The following RBFOX1 variants were observed in gnomAD, a reference collection of about 807,000 sequenced individuals.
RBFOX1 encodes the protein RNA binding protein fox-1 homolog 1.
RBFOX1 carries 8 observed loss-of-function variants against 57.7 expected under a neutral mutation model. That is an observed-to-expected ratio of 0.14 (90% CI 0.08 to 0.25). The LOEUF is 0.25. Among genes scored for constraint, RBFOX1 ranks in the 10% least tolerant of loss-of-function variants. The pLI, the probability that RBFOX1 is intolerant of heterozygous loss-of-function variation, is 1.00. For synonymous variants in RBFOX1, 326 were observed against 222.4 expected, an observed-to-expected ratio of 1.47 and a Z score of -4.15; for missense variants, 611 against 548.5, an observed-to-expected ratio of 1.11 and a Z score of -1.14.
At chr16:5,692,168 TGTGTGTG>T (rs751986363) in intron 3 of RBFOX1, among the ~76,000 whole-genome samples, 66,419 of 143,346 alleles carry the variant, frequency 0.46, 17,366 homozygotes, top group Non-Finnish European at 0.58. Context: ...GGACTGACTG[TGTGTGTG>T]TGTGTGTGTG....
chr16:5,336,950 GCC>G (rs765133802), intron 1 of RBFOX1, among the ~76,000 whole-genome samples: 7 of 152,244 alleles, frequency 4.6e-5, no homozygotes, highest in Non-Finnish European at 8.8e-5. Flanking sequence ...GCATCTGACA[GCC>G]CTAAGTACCT....
At chr16:6,201,098 C>G (rs2097212266) in intron 1 of RBFOX1, among the ~76,000 whole-genome samples, 1 of 152,020 alleles carries the variant, frequency 6.6e-6, no homozygotes, top group Admixed American at 6.6e-5. Context: ...AACATAATGT[C>G]CCTCCAGTTC....
At chr16:7,182,664 G>A (rs1415467791) in intron 4 of RBFOX1, among the ~76,000 whole-genome samples, 2 of 152,206 alleles carry the variant, frequency 1.3e-5, no homozygotes, top group African/African-American at 4.8e-5. Flanking sequence ...AGAGGAGGAA[G>A]AGCGGCAGGA....
Position 6,212,054 on chromosome 16 carries a change from T to C in RBFOX1, c.-126-104941T>C, listed in dbSNP as rs543203638. On this transcript the variant is annotated intron_variant, in intron 1 of 15. Transcript: ENST00000550418. ...TTCTTTTTTAGTAGAGATGGAGTTTTGCCATGTTGGCCAGGCTAGTCTTGA... is the reference window on the plus strand; with the variant it reads ...TTCTTTTTTAGTAGAGATGGAGTTTCGCCATGTTGGCCAGGCTAGTCTTGA... 5.7e-4 allele frequency among the ~76,000 whole-genome samples: 87 copies of C among 152,146 alleles called. 1 individual carries two copies. The South Asian group carries it at 0.018, about 31-fold the overall frequency.
chr16:6,144,348 G>C (rs569140862), intron 1 of RBFOX1, among the ~76,000 whole-genome samples: 1 of 151,854 alleles, frequency 6.6e-6, no homozygotes, highest in Non-Finnish European at 1.5e-5. Flanking sequence ...TTACCTCTTG[G>C]AGATCTCTTT....
At chr16:5,670,493 T>A (rs534853374) in intron 3 of RBFOX1, among the ~76,000 whole-genome samples, 5 of 152,308 alleles carry the variant, frequency 3.3e-5, no homozygotes, top group Non-Finnish European at 4.4e-5. Flanking sequence ...ATGGAAGATA[T>A]GGGAACATAT....
chr16:7,531,124 A>G (rs75324399), intron 5 of RBFOX1, among the ~76,000 whole-genome samples: 199 of 152,256 alleles, frequency 1.3e-3, no homozygotes, highest in African/African-American at 4.5e-3. Flanking sequence ...TGAAAAGGCA[A>G]TTTTCTTGTA....
chr16:6,858,496 C>G (rs186715887), intron 3 of RBFOX1, among the ~76,000 whole-genome samples: 1 of 152,216 alleles, frequency 6.6e-6, no homozygotes, highest in Admixed American at 6.5e-5. Flanking sequence ...AGAGGTAGAA[C>G]ATACTCCTTG....
intron 3 of RBFOX1, among the ~76,000 whole-genome samples, chr16:6,688,672 A>T (rs1308749632): frequency 6.6e-6 from 1 of 152,110 alleles, no homozygotes; most frequent in African/African-American, 2.4e-5. Context: ...AAGTTCTGGG[A>T]TACATGTGCA....
Position 6,603,705 on chromosome 16 carries a change from T to G in RBFOX1, c.-63-50898T>G, listed in dbSNP as rs1211033087. On this transcript the variant is annotated intron_variant, in intron 2 of 15. Coordinates refer to ENST00000550418, the MANE Select transcript of RBFOX1 (RefSeq NM_018723.4). ...AGGATCCTACCCCAATCCTCTTCTT[T>G]CCCATGGGTAAGGACATCTGGACTG... is the stretch of plus-strand genomic sequence containing the variant. Among the ~76,000 whole-genome samples, 5 of 152,244 alleles carry G rather than the reference T, an allele frequency of 3.3e-5. No individual in the cohort carries two copies. The South Asian group carries it at 1.0e-3, about 32-fold the overall frequency.
At chr16:6,024,893 C>T (rs2095157618) in intron 1 of RBFOX1, among the ~76,000 whole-genome samples, 1 of 152,204 alleles carries the variant, frequency 6.6e-6, no homozygotes, top group South Asian at 2.1e-4. Flanking sequence ...ATGCAGATAC[C>T]TTGTCCTAAA....
chr16:6,463,597 A>G (rs2094969759), intron 2 of RBFOX1, among the ~76,000 whole-genome samples: 1 of 152,162 alleles, frequency 6.6e-6, no homozygotes, highest in Admixed American at 6.5e-5. Flanking sequence ...TGACTTTCAG[A>G]CAGGAAAACC....
chr16:7,162,585 AAC>A (rs796130285), intron 4 of RBFOX1, among the ~76,000 whole-genome samples: 1 of 151,088 alleles, frequency 6.6e-6, no homozygotes. Flanking sequence ...AAAAAAAAAA[AAC>A]ATTGCCAGGT....
At chr16:7,660,612 T>C (rs1305307484) in intron 12 of RBFOX1, among the ~76,000 whole-genome samples, 2 of 152,260 alleles carry the variant, frequency 1.3e-5, no homozygotes, top group East Asian at 3.9e-4. Context: ...CCTTCAGTTT[T>C]GTCTCAAATG....
At chr16:5,961,867 A>T (rs1396689593) in intron 4 of RBFOX1, among the ~76,000 whole-genome samples, 1 of 152,146 alleles carries the variant, frequency 6.6e-6, no homozygotes. Flanking sequence ...GTATAACTGG[A>T]TTCAGTTGCT....
At chr16:7,188,956 A>G (rs1025923934) in intron 4 of RBFOX1, among the ~76,000 whole-genome samples, 12 of 152,186 alleles carry the variant, frequency 7.9e-5, no homozygotes, top group Admixed American at 7.9e-4. Context: ...CAGCCTGGGT[A>G]GCTTGATAAA....
intron 4 of RBFOX1, among the ~76,000 whole-genome samples, chr16:7,204,475 C>G (rs1327530696): frequency 1.3e-5 from 2 of 152,096 alleles, no homozygotes; most frequent in Non-Finnish European, 2.9e-5. Context: ...GACATTGTCT[C>G]TATAAAAATT....
chr16:6,450,835 ATG>A (rs1351705890), intron 2 of RBFOX1, among the ~76,000 whole-genome samples: 21 of 19,808 alleles, frequency 1.1e-3, no homozygotes, highest in South Asian at 1.6e-3. Flanking sequence ...ATATATATAT[ATG>A]TGTATATATA....
intron 3 of RBFOX1, among the ~76,000 whole-genome samples, chr16:7,047,851 C>T (rs2048563499): frequency 6.7e-6 from 1 of 149,704 alleles, no homozygotes; most frequent in South Asian, 2.1e-4. Flanking sequence ...TGGACACCTT[C>T]AGTGAGATTT....
Sources: allele counts gnomAD v4.1 joint callset (sites outside exome capture counted in the v4.1 genomes callset), GRCh38; gene constraint gnomAD v4.1.1; transcripts MANE v1.5; gene names NCBI Gene and HGNC (gene_info 2026-07-23, HGNC 2026-07-21).